FAM20A: variants seen among roughly 807,000 people sequenced by gnomAD.
FAM20A encodes the protein FAM20A golgi associated secretory pathway pseudokinase.
A neutral mutation model predicts 52.0 loss-of-function variants in FAM20A; 42 were observed. That is an observed-to-expected ratio of 0.81 (90% CI 0.63 to 1.04). The LOEUF is 1.04. Ranked by LOEUF, FAM20A falls within the 50% of genes least tolerant of loss-of-function variation. The pLI is 0.00. For missense variants in FAM20A, 742 were observed against 712.7 expected, an observed-to-expected ratio of 1.04 and a Z score of -0.47; for synonymous variants, 304 against 298.9, an observed-to-expected ratio of 1.02 and a Z score of -0.18.
intron 4 of FAM20A, chr17:68,551,143 T>A (rs1047724223): frequency 8.1e-7 from 1 of 1,232,700 alleles, no homozygotes; most frequent in East Asian, 3.2e-5. Context: ...GGCCGAACTC[T>A]AGGAGACCCT....
intron 4 of FAM20A, among the ~76,000 whole-genome samples, chr17:68,549,268 G>A (rs1287546507): frequency 1.3e-5 from 2 of 152,098 alleles, no homozygotes; most frequent in Non-Finnish European, 2.9e-5. Flanking sequence ...GCCAAGACAG[G>A]GGAATCGCCT....
At chr17:68,539,242 C>CAGT in intron 10 of FAM20A, 95 bp downstream of exon 10, 1 of 1,182,624 alleles carries the variant, frequency 8.5e-7, no homozygotes. Context: ...CGTCCTGGAC[C>CAGT]AGTGAAAACT....
At chr17:68,564,049 T>C (rs2087301395) in intron 1 of FAM20A, among the ~76,000 whole-genome samples, 1 of 151,948 alleles carries the variant, frequency 6.6e-6, no homozygotes. Flanking sequence ...GGATGCAGAG[T>C]CTGTGTCACA....
At chr17:68,555,283 G>C (rs993198925) in intron 2 of FAM20A, among the ~76,000 whole-genome samples, 2 of 152,222 alleles carry the variant, frequency 1.3e-5, no homozygotes, top group Admixed American at 1.3e-4. Context: ...TTGGTTGAAA[G>C]AGAATGTCGC....
chr17:68,575,421 A>ATATATATTATATATTT (rs1198885948), intron 1 of FAM20A, among the ~76,000 whole-genome samples: 6 of 104,124 alleles, frequency 5.8e-5, no homozygotes, highest in Admixed American at 2.3e-4. Flanking sequence ...TCTTCACTTT[A>ATATATATTATATATTT]TATATATTAT....
At chr17:68,553,739 T>C (rs930018704) in intron 3 of FAM20A, among the ~76,000 whole-genome samples, 3 of 150,044 alleles carry the variant, frequency 2.0e-5, no homozygotes, top group Non-Finnish European at 4.4e-5. Flanking sequence ...CTAATACATA[T>C]ATATACACAT....
At chr17:68,580,349 C>CGAAATGGGCTGGTTTCCA (rs1277656092) in intron 1 of FAM20A, among the ~76,000 whole-genome samples, 31 of 151,796 alleles carry the variant, frequency 2.0e-4, no homozygotes, top group Admixed American at 7.2e-4. Flanking sequence ...GAGATTTTTG[C>CGAAATGGGCTGGTTTCCA]GAAATGGGCT....
At chr17:68,553,123 G>A (rs1192506895) in intron 3 of FAM20A, among the ~76,000 whole-genome samples, 3 of 152,036 alleles carry the variant, frequency 2.0e-5, no homozygotes, top group African/African-American at 7.2e-5. Context: ...TGGATCATGG[G>A]GCAGCTTCCC....
At chr17:68,579,073 A>G (rs2087866973) in intron 1 of FAM20A, among the ~76,000 whole-genome samples, 1 of 151,760 alleles carries the variant, frequency 6.6e-6, no homozygotes, top group African/African-American at 2.4e-5. Flanking sequence ...AGGGGGATTT[A>G]ACAGAGAATG....
Position 68,555,572 on chromosome 17 carries a change from G to A in FAM20A, c.576C>T (p.Pro192=), listed in dbSNP as rs2087026332. 4 of 1,612,770 alleles carry A rather than the reference G, an allele frequency of 2.5e-6. No individual in the cohort carries two copies. Among genetic ancestry groups the A allele is most frequent in the South Asian group, 2.2e-5 (2 of 91,014 alleles). Residue 192 remains proline, a synonymous_variant, in exon 2 of 11, where the codon CCC becomes CCT. Coordinates refer to ENST00000592554, the MANE Select transcript of FAM20A (RefSeq NM_017565.4). ...CATGAACCTTACCAGCACTGATGGT[G>A]GGAAAGTGCCTCATGTCTTGCAGAA... is the stretch of plus-strand genomic sequence containing the variant. ...SKLLQDMRHF[P]TISADYSQDE...
At chr17:68,571,987 CAT>C (rs57442973) in intron 1 of FAM20A, among the ~76,000 whole-genome samples, 775 of 43,468 alleles carry the variant, frequency 0.018, 6 homozygotes, top group South Asian at 0.026. Flanking sequence ...TATATACATA[CAT>C]ATATATATAT....
intron 5 of FAM20A, 128 bp from the exon 6 acceptor site, chr17:68,542,937 C>G: frequency 1.4e-6 from 1 of 735,994 alleles, no homozygotes; most frequent in Non-Finnish European, 2.4e-6. Flanking sequence ...TGAGGCGTGA[C>G]TCTGCACTGT....
At chr17:68,556,320 A>G (rs1600581873) in intron 1 of FAM20A, among the ~76,000 whole-genome samples, 1 of 152,188 alleles carries the variant, frequency 6.6e-6, no homozygotes. Context: ...CTTTTCTCCC[A>G]GGAAAAAAAG....
intron 1 of FAM20A, 118 bp from the exon 2 acceptor site, chr17:68,555,861 A>G (rs2087037137): frequency 8.4e-7 from 1 of 1,192,426 alleles, no homozygotes; most frequent in Non-Finnish European, 1.2e-6. Context: ...TTAAGCATCT[A>G]ATGAGGGCTA....
At chr17:68,587,806 A>G (rs1010729375) in intron 1 of FAM20A, among the ~76,000 whole-genome samples, 1 of 152,248 alleles carries the variant, frequency 6.6e-6, no homozygotes, top group Non-Finnish European at 1.5e-5. Flanking sequence ...CTACATGTTC[A>G]TGGTGTTAAT....
intron 3 of FAM20A, among the ~76,000 whole-genome samples, chr17:68,553,577 G>A (rs1484184225): frequency 6.6e-6 from 1 of 152,064 alleles, no homozygotes; most frequent in African/African-American, 2.4e-5. Context: ...GCCACTCTCA[G>A]TCCTAGCTTT....
At chr17:68,569,020 C>A (rs1210600781) in intron 1 of FAM20A, among the ~76,000 whole-genome samples, 2 of 150,922 alleles carry the variant, frequency 1.3e-5, no homozygotes, top group African/African-American at 2.5e-5. Flanking sequence ...ACAGAAGCTC[C>A]CTCCTTTTCA....
intron 1 of FAM20A, among the ~76,000 whole-genome samples, chr17:68,572,092 T>G (rs1260992121): frequency 6.7e-6 from 1 of 148,472 alleles, no homozygotes; most frequent in Non-Finnish European, 1.5e-5. Context: ...TATTTTTATT[T>G]TTATTTCTTT....
chr17:68,542,325 G>C (rs558294201), intron 6 of FAM20A, among the ~76,000 whole-genome samples, 160 bp from the exon 7 acceptor site: 1 of 152,282 alleles, frequency 6.6e-6, no homozygotes, highest in African/African-American at 2.4e-5. Flanking sequence ...AGAAGTGAGG[G>C]TGTGAATGCT....
Sources: allele counts gnomAD v4.1 joint callset (sites outside exome capture counted in the v4.1 genomes callset), GRCh38; gene constraint gnomAD v4.1.1; transcripts MANE v1.5; gene names NCBI Gene and HGNC (gene_info 2026-07-23, HGNC 2026-07-21).